The following NRXN1 variants were observed in gnomAD, a reference collection of about 807,000 sequenced individuals.
NRXN1 encodes the protein neurexin-1.
Under a neutral mutation model 150.9 loss-of-function variants are expected in NRXN1, and 39 were observed. The observed-to-expected ratio is 0.26, with a 90% confidence interval of 0.20 to 0.34. The LOEUF is 0.34. Ranked by LOEUF, NRXN1 falls within the 10% of genes least tolerant of loss-of-function variation. The probability of loss-of-function intolerance (pLI) is 1.00; values close to 1 mark genes in which losing one functional copy is unlikely to be tolerated. For missense variants in NRXN1, 1,815 were observed against 1,949.9 expected (o/e 0.93, Z 1.30); for synonymous variants, 924 against 757.0 (o/e 1.22, Z -3.62).
At chr2:50,119,307 C>A (rs541353802) in intron 18 of NRXN1, among the ~76,000 whole-genome samples, 59 of 151,974 alleles carry the variant, frequency 3.9e-4, no homozygotes, top group African/African-American at 1.3e-3. Flanking sequence ...TATTCACTTT[C>A]TTATGGGACA....
chr2:50,187,996 C>T (rs2061197987), intron 18 of NRXN1, among the ~76,000 whole-genome samples: 1 of 152,028 alleles, frequency 6.6e-6, no homozygotes, highest in African/African-American at 2.4e-5. Context: ...ATGGGGTTTT[C>T]TAAATATACA....
intron 8 of NRXN1, among the ~76,000 whole-genome samples, chr2:50,555,477 G>C (rs1668094749): frequency 1.3e-5 from 2 of 151,956 alleles, no homozygotes; most frequent in Non-Finnish European, 2.9e-5. Context: ...TAATTCCCTG[G>C]GCAAAATTTC....
chr2:50,543,883 T>C (rs1450025191), intron 9 of NRXN1, among the ~76,000 whole-genome samples: 2 of 152,084 alleles, frequency 1.3e-5, no homozygotes. Flanking sequence ...GAGTAGAAAA[T>C]AGTGTGCTGT....
chr2:50,113,007 C>T (rs1489119469), intron 18 of NRXN1, among the ~76,000 whole-genome samples: 1 of 152,124 alleles, frequency 6.6e-6, no homozygotes, highest in Non-Finnish European at 1.5e-5. Flanking sequence ...TGCTCATTAT[C>T]TCCAAATATC....
chr2:50,952,924 C>T (rs193273840), intron 2 of NRXN1, among the ~76,000 whole-genome samples: 10 of 152,278 alleles, frequency 6.6e-5, no homozygotes, highest in East Asian at 1.9e-4. Context: ...AGAAGTGAAT[C>T]GTTTCTTATG....
intron 17 of NRXN1, among the ~76,000 whole-genome samples, chr2:50,307,998 G>A (rs1461862688): frequency 2.6e-5 from 4 of 152,166 alleles, no homozygotes; most frequent in Non-Finnish European, 5.9e-5. Flanking sequence ...ACAACATGAT[G>A]TTTTGACATA....
chr2:50,144,836 G>A (rs1243446189), intron 18 of NRXN1, among the ~76,000 whole-genome samples: 1 of 151,622 alleles, frequency 6.6e-6, no homozygotes, highest in African/African-American at 2.4e-5. Context: ...AAAAGTTTAT[G>A]TAACACTGTA....
At chr2:50,363,719 G>T (rs1181192125) in intron 17 of NRXN1, among the ~76,000 whole-genome samples, 1 of 152,176 alleles carries the variant, frequency 6.6e-6, no homozygotes, top group Non-Finnish European at 1.5e-5. Flanking sequence ...AATACCATTT[G>T]ATTCAGCAAT....
At chr2:50,400,018 G>T (rs143398970) in intron 17 of NRXN1, among the ~76,000 whole-genome samples, 1 of 151,912 alleles carries the variant, frequency 6.6e-6, no homozygotes, top group Non-Finnish European at 1.5e-5. Context: ...ATGTCAGGTA[G>T]ACGAGTACAA....
At chr2:50,924,767 G>A (rs1301856787) in intron 3 of NRXN1, among the ~76,000 whole-genome samples, 3 of 151,632 alleles carry the variant, frequency 2.0e-5, no homozygotes, top group Admixed American at 2.0e-4. Context: ...AAACAGAAAT[G>A]TTCAGCAGCT....
intron 17 of NRXN1, among the ~76,000 whole-genome samples, chr2:50,373,669 AGAAAGAAAGAAAAGAAAGAAG>A (rs2080244851): frequency 2.4e-4 from 27 of 114,574 alleles, no homozygotes; most frequent in East Asian, 7.2e-4. Flanking sequence ...AAAGAAAGAA[AGAAAGAAAGAAAAGAAAGAAG>A]GAAAGAAAGA....
At chr2:50,921,042 T>A (rs1558423731) in intron 5 of NRXN1, among the ~76,000 whole-genome samples, 1 of 151,770 alleles carries the variant, frequency 6.6e-6, no homozygotes, top group Non-Finnish European at 1.5e-5. Flanking sequence ...TATTCCTGCA[T>A]TTAAACTAAT....
intron 5 of NRXN1, among the ~76,000 whole-genome samples, chr2:50,777,523 T>A (rs1426559606): frequency 6.6e-6 from 1 of 152,166 alleles, no homozygotes; most frequent in Non-Finnish European, 1.5e-5. Flanking sequence ...CGCTGGCTAC[T>A]TAGGCTCTGC....
chr2:50,841,767 A>T (rs1672915152), intron 5 of NRXN1, among the ~76,000 whole-genome samples: 1 of 152,216 alleles, frequency 6.6e-6, no homozygotes, highest in African/African-American at 2.4e-5. Flanking sequence ...AAATTGCCAC[A>T]GATTATTCCA....
At chr2:50,575,955 T>A (rs1671379842) in intron 8 of NRXN1, among the ~76,000 whole-genome samples, 1 of 152,156 alleles carries the variant, frequency 6.6e-6, no homozygotes, top group African/African-American at 2.4e-5. Context: ...GAAAGAGTTG[T>A]TCTAACCTCT....
intron 22 of NRXN1, among the ~76,000 whole-genome samples, chr2:49,923,124 C>A (rs978267260): frequency 6.6e-6 from 1 of 152,118 alleles, no homozygotes; most frequent in African/African-American, 2.4e-5. Context: ...GGGGTGCCTA[C>A]GTCTTCTTGA....
chr2:50,764,762 A>G (rs1015368995), intron 5 of NRXN1, among the ~76,000 whole-genome samples: 1 of 152,028 alleles, frequency 6.6e-6, no homozygotes, highest in Non-Finnish European at 1.5e-5. Context: ...AGTGAGGATC[A>G]TGAATGTGAA....
At chr2:50,915,363 C>T (rs1685070008) in intron 5 of NRXN1, among the ~76,000 whole-genome samples, 2 of 151,578 alleles carry the variant, frequency 1.3e-5, no homozygotes, top group African/African-American at 4.8e-5. Context: ...ACCTCCAGTC[C>T]ATGAAAAAAT....
At chr2:49,959,565 G>A (rs764084957) in intron 21 of NRXN1, among the ~76,000 whole-genome samples, 47 of 152,194 alleles carry the variant, frequency 3.1e-4, no homozygotes, top group Non-Finnish European at 6.0e-4. Context: ...CATGGGCATT[G>A]GAGTCAGACT....
Sources: gnomAD v4.1 joint callset for allele counts (sites outside exome capture counted in the v4.1 genomes callset) on GRCh38, gnomAD v4.1.1 for gene constraint, MANE v1.5 for transcripts, NCBI Gene and HGNC (gene_info 2026-07-23, HGNC 2026-07-21) for gene names.